The following ADAM22 variants were observed in gnomAD, a reference collection of about 807,000 sequenced individuals.
ADAM22 encodes the protein disintegrin and metalloproteinase domain-containing protein 22.
A neutral mutation model predicts 144.6 loss-of-function variants in ADAM22; 65 were observed. The observed-to-expected ratio is 0.45, with a 90% CI of 0.37 to 0.55. The LOEUF (loss-of-function observed/expected upper bound fraction) is 0.55, where lower values mean the gene tolerates loss of function less well. Ranked by LOEUF, ADAM22 falls within the 20% of genes least tolerant of loss-of-function variation. ADAM22 has a pLI of 0.00. For synonymous variants in ADAM22, 391 were observed against 412.6 expected (o/e 0.95, Z 0.63); for missense variants, 974 against 1,184.9 (o/e 0.82, Z 2.61).
At chr7:88,192,364 A>C (rs1849807958) in intron 30 of ADAM22, among the ~76,000 whole-genome samples, 1 of 152,252 alleles carries the variant, frequency 6.6e-6, no homozygotes, top group Non-Finnish European at 1.5e-5. Flanking sequence ...ACAAATTAGC[A>C]ATAGATAGGG....
At chr7:88,092,571 C>T (rs1204418562) in intron 4 of ADAM22, among the ~76,000 whole-genome samples, 3 of 152,186 alleles carry the variant, frequency 2.0e-5, no homozygotes, top group African/African-American at 4.8e-5. Context: ...GACATATGCT[C>T]CTCTGCCATC....
chr7:88,134,253 T>G, intron 12 of ADAM22, 76 bp from the exon 13 acceptor site: 1 of 1,115,836 alleles, frequency 9.0e-7, no homozygotes, highest in South Asian at 1.4e-5. Context: ...TCAGCGATAT[T>G]GTGACATTTT....
At chr7:88,126,473 T>C (rs1290740238) in intron 8 of ADAM22, among the ~76,000 whole-genome samples, 1 of 152,020 alleles carries the variant, frequency 6.6e-6, no homozygotes, top group Non-Finnish European at 1.5e-5. Flanking sequence ...ACAGACAGAT[T>C]TTTATTGTGA....
chr7:88,172,002 T>G (rs1249498144), intron 26 of ADAM22, among the ~76,000 whole-genome samples: 1 of 151,860 alleles, frequency 6.6e-6, no homozygotes, highest in Non-Finnish European at 1.5e-5. Flanking sequence ...CATTCATAAG[T>G]GACAAAGTTT....
chr7:88,079,442 C>T (rs371201742), intron 4 of ADAM22, among the ~76,000 whole-genome samples: 159 of 152,220 alleles, frequency 1.0e-3, no homozygotes, highest in African/African-American at 2.8e-3. Flanking sequence ...CATCAACTAA[C>T]GAGCAAAATA....
At chr7:88,163,855 CA>C (rs1283936976) in intron 23 of ADAM22, among the ~76,000 whole-genome samples, 1 of 151,938 alleles carries the variant, frequency 6.6e-6, no homozygotes, top group Non-Finnish European at 1.5e-5. Context: ...CCTATACCAT[CA>C]AAAAAGAGTT....
At chr7:87,939,823 G>A (rs1842107631) in intron 2 of ADAM22, among the ~76,000 whole-genome samples, 1 of 152,082 alleles carries the variant, frequency 6.6e-6, no homozygotes, top group Non-Finnish European at 1.5e-5. Context: ...TAACTAAGTG[G>A]AATCAAATAG....
rs542698071 is a variant in ADAM22 at position 88,082,196 on chromosome 7, A to C, written c.390+6504A>C. 8.5e-4 allele frequency among the ~76,000 whole-genome samples: 129 copies of C among 152,310 alleles called. No individual in the cohort carries two copies. The East Asian group carries it at 0.024, about 28-fold the overall frequency. On this transcript the variant is annotated intron_variant, in intron 4 of 31. Transcript: ENST00000413139. Reference sequence around the variant, plus strand: ...GAAATAACGCCGCATATCTACAACTATCTGATCTTTGACAAACCTGAGAAA... The same window carrying C: ...GAAATAACGCCGCATATCTACAACTCTCTGATCTTTGACAAACCTGAGAAA...
At position 87,935,200 on chromosome 7, in the gene ADAM22, T is replaced by C. The variant is rs886480182; in HGVS notation, c.246+14T>C. 10 of 1,578,584 alleles carry C rather than the reference T, an allele frequency of 6.3e-6. No individual in the cohort carries two copies. The highest frequency in any genetic ancestry group is 7.7e-6 in the Non-Finnish European group (9 of 1,162,186). On this transcript the variant is annotated intron_variant, in intron 2 of 31. Coordinates refer to ENST00000413139, the MANE Select transcript of ADAM22 (RefSeq NM_001324418.2). ...GGTGGCCCGCAGGTGAGAGGCTCGG[T>C]CCGGGAGGTGGTCCTCCGCGCCTCC...
chr7:88,136,098 A>G, intron 14 of ADAM22, 67 bp downstream of exon 14: 1 of 1,424,394 alleles, frequency 7.0e-7, no homozygotes, highest in South Asian at 1.3e-5. Flanking sequence ...CTTCTTAGGA[A>G]TATGACACTC....
intron 2 of ADAM22, among the ~76,000 whole-genome samples, chr7:87,953,659 C>T (rs140162021): frequency 0.038 from 5,705 of 152,070 alleles, 322 homozygotes; most frequent in African/African-American, 0.12. Context: ...CTATTAGGTC[C>T]GCTTGTTGCA....
At chr7:87,985,475 G>T (rs1788254598) in intron 3 of ADAM22, among the ~76,000 whole-genome samples, 1 of 152,010 alleles carries the variant, frequency 6.6e-6, no homozygotes, top group African/African-American at 2.4e-5. Flanking sequence ...CCATTTACAT[G>T]TAAACCTCAT....
intron 31 of ADAM22, among the ~76,000 whole-genome samples, chr7:88,193,970 C>T (rs1181846734): frequency 6.6e-6 from 1 of 151,478 alleles, no homozygotes; most frequent in Non-Finnish European, 1.5e-5. Flanking sequence ...TTAAAAACTA[C>T]CAGCAGTGTT....
chr7:88,030,093 A>T (rs1473057741), intron 3 of ADAM22, among the ~76,000 whole-genome samples: 12 of 152,074 alleles, frequency 7.9e-5, no homozygotes, highest in Non-Finnish European at 1.5e-4. Flanking sequence ...CTAATGCCAA[A>T]AACTCTTTAA....
chr7:88,158,901 C>A (rs1840757649), intron 22 of ADAM22, among the ~76,000 whole-genome samples: 1 of 151,742 alleles, frequency 6.6e-6, no homozygotes, highest in African/African-American at 2.4e-5. Context: ...CAAGAAATAA[C>A]CAAAATCAGA....
intron 3 of ADAM22, among the ~76,000 whole-genome samples, chr7:87,995,546 G>A (rs903731092): frequency 6.6e-6 from 1 of 152,186 alleles, no homozygotes; most frequent in African/African-American, 2.4e-5. Context: ...GTTTTCCAGA[G>A]TGGTCCCTGG....
intron 3 of ADAM22, among the ~76,000 whole-genome samples, chr7:88,016,180 T>G (rs1200622348): frequency 6.6e-6 from 1 of 152,218 alleles, no homozygotes; most frequent in African/African-American, 2.4e-5. Context: ...CTGAGTAATC[T>G]TCATGCAAAT....
intron 14 of ADAM22, among the ~76,000 whole-genome samples, chr7:88,142,817 G>A (rs558906429): frequency 1.4e-4 from 21 of 149,008 alleles, no homozygotes; most frequent in African/African-American, 2.5e-4. Context: ...CAGCCTGGGC[G>A]ACAGAGCTAG....
chr7:88,028,935 G>C (rs1279676774), intron 3 of ADAM22, among the ~76,000 whole-genome samples: 2 of 151,886 alleles, frequency 1.3e-5, no homozygotes, highest in Non-Finnish European at 2.9e-5. Flanking sequence ...ATAGAACGTG[G>C]AGTCTTGTTT....
Sources: allele counts gnomAD v4.1 joint callset (sites outside exome capture counted in the v4.1 genomes callset), GRCh38; gene constraint gnomAD v4.1.1; transcripts MANE v1.5; gene names NCBI Gene and HGNC (gene_info 2026-07-23, HGNC 2026-07-21).